The following SUPT6H variants were observed in gnomAD, a reference collection of about 807,000 sequenced individuals.
The protein encoded by SUPT6H is transcription elongation factor SPT6.
Under a neutral mutation model 222.3 loss-of-function variants are expected in SUPT6H, and 11 were observed. The observed-to-expected ratio is 0.05, with a 90% CI of 0.03 to 0.08. SUPT6H has a LOEUF of 0.08. Ranked by LOEUF, SUPT6H falls within the 10% of genes least tolerant of loss-of-function variation. The pLI, the probability that SUPT6H is intolerant of heterozygous loss-of-function variation, is 1.00. For missense variants in SUPT6H, 1,422 were observed against 2,216.0 expected, an observed-to-expected ratio of 0.64 and a Z score of 7.19; for synonymous variants, 762 against 801.2, an observed-to-expected ratio of 0.95 and a Z score of 0.83.
intron 27 of SUPT6H, among the ~76,000 whole-genome samples, chr17:28,693,106 G>A (rs771790577): frequency 6.6e-6 from 1 of 152,010 alleles, no homozygotes; most frequent in Non-Finnish European, 1.5e-5. Context: ...GGAGGTTGAG[G>A]CTGCAGTGAA....
Position 28,683,013 on chromosome 17 carries a change from C to T in SUPT6H, c.1799C>T (p.Pro600Leu), listed in dbSNP as rs1039291144. The T allele has an allele frequency of 4.3e-6, 7 of 1,613,906 alleles. No individual in the cohort carries two copies. In the African/African-American group the frequency reaches 8.0e-5, roughly 18 times the overall value. Residue 600 changes from proline to leucine, a missense_variant, in exon 15 of 37, where the codon CCC becomes CTC. Coordinates refer to ENST00000314616, the MANE Select transcript of SUPT6H (RefSeq NM_003170.5). Reference sequence around the variant, plus strand: ...GTAGCCCTGCAGATTGCCCGTGAGCCCCTTGTCCGGCAGGTGCTGAGGCAA... The same window carrying T: ...GTAGCCCTGCAGATTGCCCGTGAGCTCCTTGTCCGGCAGGTGCTGAGGCAA... ...YMVALQIAREPLVRQVLRQTF... is the reference protein window; with the variant it reads ...YMVALQIARELLVRQVLRQTF...
chr17:28,692,224 T>A (rs1202193827), intron 27 of SUPT6H, among the ~76,000 whole-genome samples: 2 of 150,102 alleles, frequency 1.3e-5, no homozygotes, highest in African/African-American at 2.5e-5. Context: ...CTCGGGAGGC[T>A]GAGGCAGGAG....
In SUPT6H at chr17:28,683,819, GA is replaced by G; in HGVS notation, c.2229+4del. ...AAGCCAAGGAATATGTCATAAAGGT[GA>G]GGACAGAGACTCATGATTTTTTTTT... On this transcript the variant is annotated splice_donor_region_variant and intron_variant, in intron 17 of 36. Transcript: ENST00000314616. The G allele has an allele frequency of 6.2e-7, 1 of 1,602,938 alleles. No individual in the cohort carries two copies. Among genetic ancestry groups the G allele is most frequent in the Non-Finnish European group, 8.5e-7 (1 of 1,175,316 alleles).
Position 28,697,980 on chromosome 17 carries a change from G to T in SUPT6H, c.4398G>T (p.Lys1466Asn). 6.2e-7 allele frequency: 1 copy of T among 1,613,634 alleles called. No individual in the cohort carries two copies. The highest frequency in any genetic ancestry group is 1.1e-5 in the South Asian group (1 of 91,084). ...TFIPYFICAC[K>N]ELPGKFLLGY... ...TCCCTTATTTCATCTGTGCCTGCAA[G>T]GAACTGCCCGGCAAGTTCCTACTGG... is the stretch of plus-strand genomic sequence containing the variant. The change falls in exon 32 of 37, where the codon AAG becomes AAT. Residue 1466 changes from lysine to asparagine, a missense_variant. Physicochemically the swap from Lys to Asn is moderately conservative, Grantham distance 94. Coordinates refer to ENST00000314616, the MANE Select transcript of SUPT6H (RefSeq NM_003170.5).
chr17:28,700,712 G>A (rs2032096835), intron 35 of SUPT6H, 200 bp downstream of exon 35: 1 of 951,628 alleles, frequency 1.1e-6, no homozygotes, highest in Admixed American at 2.8e-5. Context: ...GGGCCTTTGG[G>A]ATCTTTGGAA....
intron 7 of SUPT6H, among the ~76,000 whole-genome samples, chr17:28,677,369 C>T (rs1350957587): frequency 6.7e-6 from 1 of 150,138 alleles, no homozygotes; most frequent in East Asian, 2.0e-4. Context: ...GGCAACAGAG[C>T]GAGACTCCAT....
rs927435552 is a variant in SUPT6H, at chr17:28,691,160, C to T, written c.3633+97C>T. On this transcript the variant is annotated intron_variant, in intron 27 of 36. Transcript: ENST00000314616. ...AGAAATGAGGGTGTTCTAGATCATT[C>T]TCTCACCAAACAAGTACACAAAGAA... 6.2e-6 allele frequency: 9 copies of T among 1,440,540 alleles called. No homozygotes were observed. The African/African-American group carries it at 7.1e-5, about 11-fold the overall frequency. 89.2% of individuals were successfully genotyped at this position (1,440,540 alleles called of 1,614,324 possible). A position where few individuals can be genotyped will look rare whatever the true frequency, so the allele number is the denominator to read the frequency against.
In SUPT6H at chr17:28,697,729, G is replaced by T; in HGVS notation, c.4319G>T (p.Arg1440Leu). Residue 1440 changes from arginine (R) to leucine (L), a missense_variant, in exon 31 of 37, where the codon CGC (arginine) becomes CTC (leucine). Physicochemically the swap from Arg to Leu is moderately radical, Grantham distance 102. This residue lies in a region of SUPT6H where 395 missense variants were observed against 580.6 expected (regional missense o/e 0.68). Coordinates refer to ENST00000314616, the MANE Select transcript of SUPT6H (RefSeq NM_003170.5). ...TATCAGGACTGCAGCGGTGGGGACC[G>T]CAAGGTAAGCCCAGGGCCCTCTGAG... ...KYYQDCSGGD[R>L]KKLEELLIKT... 6.2e-7 allele frequency: 1 copy of T among 1,614,042 alleles called. No homozygotes were observed. The highest frequency in any genetic ancestry group is 8.5e-7 in the Non-Finnish European group (1 of 1,179,908).
rs1567681347 is a variant in SUPT6H, at chr17:28,663,827, C to CTTTTTTTTTTTTTTTTT, written c.-32+1485_-32+1486insTTTTTTTTTTTTTTTTT. Among the ~76,000 whole-genome samples the CTTTTTTTTTTTTTTTTT allele has an allele frequency of 2.1e-3, 18 of 8,404 alleles. 1 individual carries two copies. Among genetic ancestry groups the CTTTTTTTTTTTTTTTTT allele is most frequent in the Non-Finnish European group, 3.1e-3 (10 of 3,232 alleles). The allele number at this position is 8,404 out of a possible 152,430, so 5.5% of individuals were successfully genotyped here. ...AATCTGGCTTCTCTTCTGCCCACTCCATTTTTTTTTTTTTTTTTGTGGAGA... is the reference window on the plus strand; with the variant it reads ...AATCTGGCTTCTCTTCTGCCCACTCCTTTTTTTTTTTTTTTTTATTTTTTTTTTTTTTTTTGTGGAGA... On this transcript the variant is annotated intron_variant, in intron 1 of 36. Coordinates refer to ENST00000314616, the MANE Select transcript of SUPT6H (RefSeq NM_003170.5).
chr17:28,696,749 CAATA>C lies in SUPT6H; in HGVS notation c.3971-85_3971-82del, dbSNP rs1052020460. Reference sequence around the variant, plus strand: ...GCCCAGATGACAGAGCACCCCAACTCAATAAATAAATAAGAAATGAAGGCCTGGT... The same window carrying C: ...GCCCAGATGACAGAGCACCCCAACTCAATAAATAAGAAATGAAGGCCTGGT... On this transcript the variant is annotated intron_variant, in intron 29 of 36. Transcript: ENST00000314616. 14 of 1,178,612 alleles carry C rather than the reference CAATA, an allele frequency of 1.2e-5. No homozygotes were observed. In the African/African-American group the frequency reaches 1.2e-4, roughly 10 times the overall value. 73.0% of individuals were successfully genotyped at this position (1,178,612 alleles called of 1,614,324 possible).
At chr17:28,673,677 A>G in intron 2 of SUPT6H, 167 bp downstream of exon 2, 2 of 598,552 alleles carry the variant, frequency 3.3e-6, no homozygotes, top group Middle Eastern at 8.9e-4. Flanking sequence ...ATCTGTCTGT[A>G]TGCCAGGCAC....
At chr17:28,697,480 A>C in intron 30 of SUPT6H, 140 bp from the exon 31 acceptor site, 1 of 669,402 alleles carries the variant, frequency 1.5e-6, no homozygotes, top group Non-Finnish European at 2.6e-6. Flanking sequence ...ATATCTGGAC[A>C]TGACACAGAT....
intron 30 of SUPT6H, 53 bp from the exon 31 acceptor site, chr17:28,697,567 C>T: frequency 6.8e-7 from 1 of 1,479,670 alleles, no homozygotes; most frequent in Non-Finnish European, 9.4e-7. Context: ...TGGATTTGAT[C>T]AAGAATCTCA....
chr17:28,666,337 T>C (rs2030007584), intron 1 of SUPT6H, among the ~76,000 whole-genome samples: 1 of 152,212 alleles, frequency 6.6e-6, no homozygotes, highest in South Asian at 2.1e-4. Flanking sequence ...TGTGCTACAG[T>C]GGCAGATTTG....
At chr17:28,672,181 A>C (rs2030460641) in intron 1 of SUPT6H, among the ~76,000 whole-genome samples, 1 of 152,214 alleles carries the variant, frequency 6.6e-6, no homozygotes, top group Non-Finnish European at 1.5e-5. Context: ...GTGTATGTAA[A>C]CATATGAAAG....
At chr17:28,689,855 AGCTTT>A (rs2031557796) in intron 25 of SUPT6H, among the ~76,000 whole-genome samples, 1 of 152,164 alleles carries the variant, frequency 6.6e-6, no homozygotes. Flanking sequence ...CTAACAGCAC[AGCTTT>A]GCATTTATCT....
chr17:28,663,571 C>G (rs2072106202), intron 1 of SUPT6H, among the ~76,000 whole-genome samples: 1 of 152,092 alleles, frequency 6.6e-6, no homozygotes, highest in Admixed American at 6.6e-5. Flanking sequence ...ATGGCACTAC[C>G]ATCAGTCCTG....
chr17:28,671,798 A>G (rs2030430445), intron 1 of SUPT6H, among the ~76,000 whole-genome samples: 1 of 152,226 alleles, frequency 6.6e-6, no homozygotes, highest in Admixed American at 6.5e-5. Context: ...CCCCTATGTC[A>G]TGTAATATTC....
intron 12 of SUPT6H, among the ~76,000 whole-genome samples, chr17:28,681,610 G>A (rs1341898545): frequency 1.3e-5 from 2 of 151,822 alleles, no homozygotes; most frequent in Non-Finnish European, 2.9e-5. Flanking sequence ...AATCCCAACT[G>A]CTCAGGAGGC....
Sources: gnomAD v4.1 joint callset for allele counts (sites outside exome capture counted in the v4.1 genomes callset) on GRCh38, gnomAD v4.1.1 for gene constraint, gnomAD v4.1.1 regional missense constraint, MANE v1.5 for transcripts, NCBI Gene and HGNC (gene_info 2026-07-23, HGNC 2026-07-21) for gene names.